SLC25A44: variants seen among roughly 807,000 people sequenced by gnomAD.
The protein encoded by SLC25A44 is solute carrier family 25 member 44, also known as solute carrier family 25, member 44.
SLC25A44 carries 17 observed loss-of-function variants against 29.9 expected under a neutral mutation model. The observed-to-expected ratio is 0.57, with a 90% confidence interval of 0.39 to 0.85. The LOEUF (loss-of-function observed/expected upper bound fraction) is 0.85, where lower values mean the gene tolerates loss of function less well. SLC25A44 is among the 40% of genes least tolerant of loss of function. The probability of loss-of-function intolerance (pLI) is 0.00; values close to 1 mark genes in which losing one functional copy is unlikely to be tolerated. For missense variants in SLC25A44, 302 were observed against 398.4 expected (o/e 0.76, Z 2.06); for synonymous variants, 140 against 151.8 (o/e 0.92, Z 0.57).
chr1:156,205,379 T>C (rs1300047346), intron 2 of SLC25A44, among the ~76,000 whole-genome samples: 1 of 152,092 alleles, frequency 6.6e-6, no homozygotes, highest in African/African-American at 2.4e-5. Context: ...AACTGAACTA[T>C]AGAAGAGAAA....
chr1:156,195,480 C>G (rs1049535064), intron 1 of SLC25A44, among the ~76,000 whole-genome samples: 2 of 152,202 alleles, frequency 1.3e-5, no homozygotes, highest in Non-Finnish European at 2.9e-5. Flanking sequence ...AGCTCATCCT[C>G]CGTCCCCCGC....
Position 156,200,450 on chromosome 1 carries a change from G to T in SLC25A44, c.603G>T (p.Trp201Cys), listed in dbSNP as rs1212206833. The T allele has an allele frequency of 1.9e-6, 3 of 1,610,022 alleles. No homozygotes were observed. Among genetic ancestry groups the T allele is most frequent in the Non-Finnish European group, 2.5e-6 (3 of 1,177,978 alleles). ...LTYIPNSAVW[W>C]PFYHFYAEQL... ...ATATCCCAAACAGTGCTGTCTGGTG[G>T]CCCTTCTATCACTTCTATGCAGGTA... The change falls in exon 2 of 4, where the codon TGG (tryptophan) becomes TGT (cysteine). Residue 201 changes from tryptophan (W) to cysteine (C), a missense_variant. Transcript: ENST00000359511.
At chr1:156,206,930 C>T (rs1309338845) in intron 2 of SLC25A44, among the ~76,000 whole-genome samples, 5 of 152,168 alleles carry the variant, frequency 3.3e-5, no homozygotes, top group Admixed American at 3.3e-4. Context: ...TTGGGAGGAA[C>T]AGGGCAAGAG....
At position 156,211,451 on chromosome 1, in the gene SLC25A44, G is replaced by A. The variant is rs1657316178; in HGVS notation, c.*1020G>A. The stretch of plus-strand genomic sequence containing the variant: ...GCCAGCAGAGCCAAACCTAGGAGAG[G>A]GCAGTGGGTAGATTCTCTGCCCCAG... On this transcript the variant is annotated 3_prime_UTR_variant, in exon 4 of 4. Transcript: ENST00000359511. 6.6e-6 allele frequency: 1 copy of A among 152,382 alleles called. No homozygotes were observed. Among genetic ancestry groups the A allele is most frequent in the African/African-American group, 2.4e-5 (1 of 41,400 alleles). 9.4% of individuals were successfully genotyped at this position (152,382 alleles called of 1,614,324 possible). A position where few individuals can be genotyped will look rare whatever the true frequency, so the allele number is the denominator to read the frequency against.
chr1:156,212,791 C>A lies in SLC25A44; in HGVS notation c.*2360C>A. 1.6e-6 allele frequency: 1 copy of A among 628,866 alleles called. No homozygotes were observed. Among genetic ancestry groups the A allele is most frequent in the South Asian group, 2.0e-5 (1 of 49,178 alleles). The allele number at this position is 628,866 out of a possible 1,614,324, so 39.0% of individuals were successfully genotyped here. A position where few individuals can be genotyped will look rare whatever the true frequency, so the allele number is the denominator to read the frequency against. ...ATGTAATTAAAAGTTTTTATTGAGCCCCCGAGCTTTGGCTTGCGCGTATTT... is the reference window on the plus strand; with the variant it reads ...ATGTAATTAAAAGTTTTTATTGAGCACCCGAGCTTTGGCTTGCGCGTATTT... On this transcript the variant is annotated 3_prime_UTR_variant, in exon 4 of 4. Coordinates refer to ENST00000359511, the MANE Select transcript of SLC25A44 (RefSeq NM_014655.4).
chr1:156,203,279 A>G (rs1425405472), intron 2 of SLC25A44, among the ~76,000 whole-genome samples: 3 of 152,274 alleles, frequency 2.0e-5, no homozygotes, highest in South Asian at 2.1e-4. Context: ...TTCAGCTTAC[A>G]TGTCACCTTT....
At chr1:156,203,808 G>A (rs1393059371) in intron 2 of SLC25A44, among the ~76,000 whole-genome samples, 4 of 147,068 alleles carry the variant, frequency 2.7e-5, no homozygotes, top group East Asian at 2.1e-4. Context: ...GGTTCACGCC[G>A]TTTTCCTGCC....
intron 2 of SLC25A44, among the ~76,000 whole-genome samples, chr1:156,203,919 T>C (rs1459106648): frequency 6.6e-6 from 1 of 151,732 alleles, no homozygotes; most frequent in East Asian, 1.9e-4. Context: ...TTAACCAAGA[T>C]GGTCTTGATC....
chr1:156,200,366 C>A lies in SLC25A44; in HGVS notation c.519C>A (p.Ile173=), dbSNP rs761904781. Residue 173 remains isoleucine (I), a synonymous_variant, in exon 2 of 4, where the codon ATC becomes ATA. Coordinates refer to ENST00000359511, the MANE Select transcript of SLC25A44 (RefSeq NM_014655.4). ...AAACCAAGGACATCATCAGGCAGAT[C>A]CTGCAGGCTGATGGACTTCGCGGCT... ...FGQTKDIIRQ[I]LQADGLRGFY... The A allele has an allele frequency of 6.2e-7, 1 of 1,614,100 alleles. No individual in the cohort carries two copies. Among genetic ancestry groups the A allele is most frequent in the Non-Finnish European group, 8.5e-7 (1 of 1,180,016 alleles).
At chr1:156,201,120 C>A (rs957974981) in intron 2 of SLC25A44, among the ~76,000 whole-genome samples, 5 of 152,102 alleles carry the variant, frequency 3.3e-5, no homozygotes, top group African/African-American at 1.2e-4. Context: ...AGGAGTGAGA[C>A]ACCAGCCCCT....
Position 156,210,455 on chromosome 1 carries a change from C to A in SLC25A44, c.*24C>A. The A allele has an allele frequency of 6.6e-7, 1 of 1,521,438 alleles. No homozygotes were observed. The highest frequency in any genetic ancestry group is 2.0e-5 in the Admixed American group (1 of 49,240). The allele number at this position is 1,521,438 out of a possible 1,614,324, so 94.2% of individuals were successfully genotyped here. A position where few individuals can be genotyped will look rare whatever the true frequency, so the allele number is the denominator to read the frequency against. ...AACCAGTGGTGGGGAGAGAAGCCTG[C>A]TGTTTTCCACACTACCGTGGGTCAG... On this transcript the variant is annotated 3_prime_UTR_variant, in exon 4 of 4. Coordinates refer to ENST00000359511, the MANE Select transcript of SLC25A44 (RefSeq NM_014655.4).
intron 2 of SLC25A44, among the ~76,000 whole-genome samples, chr1:156,203,689 ATTCTCT>A (rs1656728880): frequency 7.8e-6 from 1 of 128,268 alleles, no homozygotes; most frequent in Non-Finnish European, 1.6e-5. Flanking sequence ...TCCTTCTTTC[ATTCTCT>A]TTCCTTTTTT....
intron 3 of SLC25A44, among the ~76,000 whole-genome samples, chr1:156,208,623 CCATAGCCTATTAG>C (rs1418270475): frequency 1.3e-5 from 2 of 152,244 alleles, no homozygotes; most frequent in Admixed American, 6.5e-5. Flanking sequence ...GAGTCCTATT[CCATAGCCTATTAG>C]CATAGCCTAT....
intron 1 of SLC25A44, chr1:156,199,452 C>T (rs1271270794): frequency 1.4e-5 from 3 of 211,540 alleles, no homozygotes; most frequent in Non-Finnish European, 2.8e-5. Context: ...GTGAGCCAGA[C>T]AAAAAGAATG....
chr1:156,205,251 C>T (rs574159296), intron 2 of SLC25A44, among the ~76,000 whole-genome samples: 3 of 152,094 alleles, frequency 2.0e-5, no homozygotes, highest in Non-Finnish European at 4.4e-5. Flanking sequence ...CCATGTTGGT[C>T]AGACTGGTCT....
intron 2 of SLC25A44, among the ~76,000 whole-genome samples, chr1:156,206,049 G>T (rs1226487832): frequency 6.6e-6 from 1 of 151,936 alleles, no homozygotes; most frequent in Admixed American, 6.6e-5. Context: ...CTTGATATAG[G>T]CTGGAGAAAA....
Position 156,210,504 on chromosome 1 carries a change from C to CTGGAGAGGGTG in SLC25A44, c.*73_*74insTGGAGAGGGTG. The CTGGAGAGGGTG allele has an allele frequency of 2.6e-6, 3 of 1,155,594 alleles. No homozygotes were observed. Among genetic ancestry groups the CTGGAGAGGGTG allele is most frequent in the Non-Finnish European group, 3.6e-6 (3 of 837,484 alleles). The allele number at this position is 1,155,594 out of a possible 1,614,324, so 71.6% of individuals were successfully genotyped here. On this transcript the variant is annotated 3_prime_UTR_variant, in exon 4 of 4. Transcript: ENST00000359511. ...AGGGGCAGAGTGGAGAGGACAGCAC[C>CTGGAGAGGGTG]CTCTCCAGGTGCTCCCACCACACAC...
chr1:156,200,089 C>T lies in SLC25A44; in HGVS notation c.242C>T (p.Thr81Ile). The T allele has an allele frequency of 1.2e-6, 2 of 1,614,166 alleles. No homozygotes were observed. Among genetic ancestry groups the T allele is most frequent in the Non-Finnish European group, 1.7e-6 (2 of 1,180,026 alleles). The change falls in exon 2 of 4, where the codon ACC becomes ATC. Residue 81 changes from threonine to isoleucine, a missense_variant. By Grantham distance (89) the Thr-to-Ile change is moderately conservative. Transcript: ENST00000359511. ...TGLYRGFLVN[T>I]FTLISGQCYV... Reference sequence around the variant, plus strand: ...CTCTACCGAGGGTTCCTGGTCAATACCTTCACCCTCATCTCTGGCCAGTGT... The same window carrying T: ...CTCTACCGAGGGTTCCTGGTCAATATCTTCACCCTCATCTCTGGCCAGTGT...
intron 1 of SLC25A44, among the ~76,000 whole-genome samples, chr1:156,195,208 A>G (rs1355968072): frequency 1.3e-5 from 2 of 150,012 alleles, no homozygotes; most frequent in African/African-American, 4.9e-5. Flanking sequence ...GGTTCACACC[A>G]TTCTCCTGCC....
Sources: gnomAD v4.1 joint callset for allele counts (sites outside exome capture counted in the v4.1 genomes callset) on GRCh38, gnomAD v4.1.1 for gene constraint, MANE v1.5 for transcripts, NCBI Gene and HGNC (gene_info 2026-07-23, HGNC 2026-07-21) for gene names.